The following DTL variants were observed in gnomAD, a reference collection of about 807,000 sequenced individuals.
The protein encoded by DTL is denticleless E3 ubiquitin protein ligase adapter.
Under a neutral mutation model 87.0 loss-of-function variants are expected in DTL, and 46 were observed. The observed-to-expected ratio is 0.53, with a 90% CI of 0.42 to 0.68. The LOEUF is 0.68. DTL is among the 30% of genes least tolerant of loss of function. The pLI is 0.00. For synonymous variants in DTL, 308 were observed against 311.2 expected (o/e 0.99, Z 0.11); for missense variants, 737 against 869.4 (o/e 0.85, Z 1.91).
chr1:212,074,048 T>TA (rs777887476), intron 11 of DTL, among the ~76,000 whole-genome samples: 28 of 150,384 alleles, frequency 1.9e-4, no homozygotes, highest in East Asian at 9.7e-4. Flanking sequence ...TGTTTCTTGT[T>TA]AAAAAAAAAA....
intron 6 of DTL, 93 bp downstream of exon 6, chr1:212,063,042 A>C (rs1016831894): frequency 1.2e-5 from 11 of 932,504 alleles, no homozygotes; most frequent in Non-Finnish European, 1.9e-5. Flanking sequence ...GATTACCACC[A>C]GGGGGCATGT....
chr1:212,062,915 CATTATGGT>C lies in DTL; in HGVS notation c.493_500del (p.Ile165LeufsTer13). 6.2e-7 allele frequency: 1 copy of C among 1,613,672 alleles called. No homozygotes were observed. Among genetic ancestry groups the C allele is most frequent in the Non-Finnish European group, 8.5e-7 (1 of 1,179,660 alleles). The stretch of plus-strand genomic sequence containing the variant: ...TCTGTACGGGTGGAAGAGATGGCAA[CATTATGGT>C]CTGGGATACCAGGTGCAACAAAAAA... On this transcript the variant is annotated frameshift_variant, in exon 6 of 15. Transcript: ENST00000366991. LOFTEE classifies it high-confidence loss of function.
rs763634411 is a variant in DTL, at chr1:212,066,796, T to C, written c.640-16T>C. On this transcript the variant is annotated splice_polypyrimidine_tract_variant and intron_variant, in intron 7 of 14. Transcript: ENST00000366991. ...GATGCCCAAGATAGAATCTTCTTCT[T>C]TTCTTGTGCTATCAGGATTTCCAGC... The C allele has an allele frequency of 1.9e-6, 3 of 1,611,952 alleles. No individual in the cohort carries two copies. The Admixed American group carries it at 5.0e-5, about 27-fold the overall frequency.
In DTL at chr1:212,103,636, C is replaced by T. The variant is rs1314594925; in HGVS notation, c.*696C>T. 1.3e-5 allele frequency: 2 copies of T among 152,106 alleles called. No individual in the cohort carries two copies. Among genetic ancestry groups the T allele is most frequent in the African/African-American group, 4.8e-5 (2 of 41,426 alleles). The allele number at this position is 152,106 out of a possible 1,614,324, so 9.4% of individuals were successfully genotyped here. ...TTTGTCTTTTTTCTCTCAAATATAT[C>T]TCCCGTATGAGATTTCAGGTCCCCA... On this transcript the variant is annotated 3_prime_UTR_variant, in exon 15 of 15. Transcript: ENST00000366991.
intron 9 of DTL, 82 bp downstream of exon 9, chr1:212,068,409 A>G: frequency 1.0e-6 from 1 of 988,952 alleles, no homozygotes. Context: ...AGTAACATTG[A>G]TATGAAAAAT....
At chr1:212,061,144 T>C (rs1026534432) in intron 5 of DTL, among the ~76,000 whole-genome samples, 1 of 151,902 alleles carries the variant, frequency 6.6e-6, no homozygotes, top group Non-Finnish European at 1.5e-5. Flanking sequence ...TGTACTACTG[T>C]AGTCCCAGCT....
chr1:212,054,248 G>C (rs1489076114), intron 5 of DTL, among the ~76,000 whole-genome samples: 2 of 152,048 alleles, frequency 1.3e-5, no homozygotes, highest in African/African-American at 4.8e-5. Flanking sequence ...GCTGTCTCCA[G>C]GTTTTCCCCA....
chr1:212,099,362 T>G (rs1171724684), intron 13 of DTL, among the ~76,000 whole-genome samples: 1 of 152,180 alleles, frequency 6.6e-6, no homozygotes, highest in Non-Finnish European at 1.5e-5. Flanking sequence ...GCCTCCTGAG[T>G]AGCTGGGACT....
At chr1:212,082,113 A>G (rs1655005491) in intron 13 of DTL, among the ~76,000 whole-genome samples, 1 of 152,198 alleles carries the variant, frequency 6.6e-6, no homozygotes, top group African/African-American at 2.4e-5. Flanking sequence ...AAACTGGGAG[A>G]GTGTTACATC....
chr1:212,044,626 A>G, intron 2 of DTL, 34 bp from the exon 3 acceptor site: 26 of 1,050,612 alleles, frequency 2.5e-5, no homozygotes, highest in Non-Finnish European at 3.5e-5. Context: ...AAATTGTGTT[A>G]CTCTATATAT....
intron 7 of DTL, among the ~76,000 whole-genome samples, chr1:212,066,589 T>C (rs1240547983): frequency 6.6e-6 from 1 of 152,222 alleles, no homozygotes; most frequent in Non-Finnish European, 1.5e-5. Flanking sequence ...TAGTCACCAG[T>C]TTGTTTTTTG....
At chr1:212,080,162 C>G in intron 12 of DTL, among the ~76,000 whole-genome samples, 1 of 152,122 alleles carries the variant, frequency 6.6e-6, no homozygotes, top group East Asian at 1.9e-4. Context: ...AGTCATGGGC[C>G]AAGTCTGATC....
intron 1 of DTL, among the ~76,000 whole-genome samples, chr1:212,037,185 G>A (rs1667501641): frequency 1.3e-5 from 2 of 152,052 alleles, no homozygotes; most frequent in South Asian, 4.1e-4. Flanking sequence ...TGTTCTGGGG[G>A]AGCTGTTCAG....
intron 11 of DTL, among the ~76,000 whole-genome samples, chr1:212,076,410 C>G (rs1249419028): frequency 1.3e-5 from 2 of 152,096 alleles, no homozygotes; most frequent in Non-Finnish European, 2.9e-5. Flanking sequence ...CTCTGAAACC[C>G]TATAGATAAA....
At chr1:212,076,822 C>T (rs1432488431) in intron 11 of DTL, among the ~76,000 whole-genome samples, 1 of 152,204 alleles carries the variant, frequency 6.6e-6, no homozygotes, top group Admixed American at 6.5e-5. Context: ...AATGAATTAT[C>T]TCTGTGCCAT....
At chr1:212,063,042 A>G in intron 6 of DTL, 93 bp downstream of exon 6, 1 of 932,622 alleles carries the variant, frequency 1.1e-6, no homozygotes, top group South Asian at 1.4e-5. Flanking sequence ...GATTACCACC[A>G]GGGGGCATGT....
intron 10 of DTL, among the ~76,000 whole-genome samples, chr1:212,070,491 G>T (rs1654638048): frequency 6.6e-6 from 1 of 151,998 alleles, no homozygotes; most frequent in African/African-American, 2.4e-5. Flanking sequence ...TGCACCTGTA[G>T]TCCTGCTACT....
chr1:212,091,734 T>C (rs1027109807), intron 13 of DTL, among the ~76,000 whole-genome samples: 1 of 152,160 alleles, frequency 6.6e-6, no homozygotes, highest in African/African-American at 2.4e-5. Context: ...TCTTAAAAAG[T>C]TGAACTCATA....
chr1:212,073,843 C>A (rs1410848175), intron 11 of DTL, among the ~76,000 whole-genome samples: 1 of 151,952 alleles, frequency 6.6e-6, no homozygotes, highest in African/African-American at 2.4e-5. Context: ...TTAAGTTTAA[C>A]AATGTTATGT....
Sources: gnomAD v4.1 joint callset for allele counts (sites outside exome capture counted in the v4.1 genomes callset) on GRCh38, gnomAD v4.1.1 for gene constraint, MANE v1.5 for transcripts, NCBI Gene and HGNC (gene_info 2026-07-23, HGNC 2026-07-21) for gene names.